The following ADAM12 variants were observed in gnomAD, a reference collection of about 807,000 sequenced individuals.
ADAM12 encodes ADAM metallopeptidase domain 12.
In ADAM12, 70 loss-of-function variants were observed where a neutral mutation model predicts 106.4. The ratio of observed to expected loss-of-function variants is 0.66; its 90% CI spans 0.54 to 0.80. The LOEUF (loss-of-function observed/expected upper bound fraction) is 0.80. Among genes scored for constraint, ADAM12 ranks in the 30% least tolerant of loss-of-function variants. The probability of loss-of-function intolerance (pLI) is 0.00; values close to 1 mark genes in which losing one functional copy is unlikely to be tolerated. For synonymous variants in ADAM12, 420 were observed against 433.5 expected, an observed-to-expected ratio of 0.97 and a Z score of 0.39; for missense variants, 1,010 against 1,171.9, an observed-to-expected ratio of 0.86 and a Z score of 2.02.
At chr10:126,326,398 TG>T (rs1854303738) in intron 2 of ADAM12, among the ~76,000 whole-genome samples, 1 of 152,090 alleles carries the variant, frequency 6.6e-6, no homozygotes, top group Non-Finnish European at 1.5e-5. Context: ...CCTTTCTCTT[TG>T]GGGGTGTATA....
chr10:126,274,058 G>A (rs1353231981), intron 3 of ADAM12, among the ~76,000 whole-genome samples: 2 of 152,080 alleles, frequency 1.3e-5, no homozygotes, highest in Non-Finnish European at 2.9e-5. Context: ...AGTGACCTTC[G>A]ACCTCCTGGG....
At chr10:126,050,181 C>T (rs1267409058) in intron 14 of ADAM12, among the ~76,000 whole-genome samples, 1 of 152,306 alleles carries the variant, frequency 6.6e-6, no homozygotes, top group Middle Eastern at 3.4e-3. Context: ...GAAAGTACTA[C>T]CTTCTTTTAA....
At chr10:126,284,419 A>G (rs547176767) in intron 2 of ADAM12, among the ~76,000 whole-genome samples, 2 of 150,122 alleles carry the variant, frequency 1.3e-5, no homozygotes, top group Non-Finnish European at 3.0e-5. Flanking sequence ...AGCTAATACC[A>G]TGTGTCTCAT....
chr10:126,331,677 T>G (rs1441899755), intron 1 of ADAM12, among the ~76,000 whole-genome samples: 6 of 152,016 alleles, frequency 3.9e-5, no homozygotes, highest in Non-Finnish European at 8.8e-5. Flanking sequence ...AAGTCCGAAA[T>G]ACAGCCAATG....
chr10:126,285,311 T>C (rs1237280462), intron 2 of ADAM12, among the ~76,000 whole-genome samples: 2 of 152,250 alleles, frequency 1.3e-5, no homozygotes, highest in Non-Finnish European at 1.5e-5. Context: ...TCCAAAGTCA[T>C]AAGAAAATAT....
intron 7 of ADAM12, among the ~76,000 whole-genome samples, chr10:126,109,367 G>A (rs1374230813): frequency 1.3e-5 from 2 of 152,164 alleles, no homozygotes; most frequent in Non-Finnish European, 2.9e-5. Flanking sequence ...TTTCTGCTGT[G>A]TCTCTATAGC....
chr10:126,069,674 G>A (rs1254283594), intron 12 of ADAM12, among the ~76,000 whole-genome samples: 1 of 152,230 alleles, frequency 6.6e-6, no homozygotes, highest in African/African-American at 2.4e-5. Flanking sequence ...TAGCAGTGAT[G>A]CTGGTAGCGA....
intron 11 of ADAM12, among the ~76,000 whole-genome samples, chr10:126,088,745 G>C (rs1955406669): frequency 6.6e-6 from 1 of 151,872 alleles, no homozygotes; most frequent in Non-Finnish European, 1.5e-5. Flanking sequence ...AGAGAAGGCT[G>C]ACCTGGGTGG....
At chr10:126,079,428 T>C (rs1017851205) in intron 11 of ADAM12, among the ~76,000 whole-genome samples, 6 of 152,208 alleles carry the variant, frequency 3.9e-5, no homozygotes, top group Non-Finnish European at 7.3e-5. Context: ...TCCTACACCA[T>C]GTGGCCTTTT....
intron 2 of ADAM12, among the ~76,000 whole-genome samples, chr10:126,326,830 T>C (rs772662746): frequency 7.2e-5 from 11 of 152,158 alleles, no homozygotes; most frequent in Non-Finnish European, 1.3e-4. Flanking sequence ...CATGGCAGGC[T>C]CACCCTTCAT....
At chr10:126,025,622 T>C (rs1302060994) in intron 21 of ADAM12, among the ~76,000 whole-genome samples, 1 of 152,062 alleles carries the variant, frequency 6.6e-6, no homozygotes, top group African/African-American at 2.4e-5. Context: ...GCAGCAGCCT[T>C]ACGGAAGAGT....
At chr10:126,205,447 T>C (rs1280917542) in intron 3 of ADAM12, among the ~76,000 whole-genome samples, 1 of 152,192 alleles carries the variant, frequency 6.6e-6, no homozygotes, top group Non-Finnish European at 1.5e-5. Context: ...CTTAATTTAA[T>C]GTCAGCAAGA....
At chr10:126,115,604 T>C (rs554933182) in intron 6 of ADAM12, among the ~76,000 whole-genome samples, 1 of 152,222 alleles carries the variant, frequency 6.6e-6, no homozygotes, top group South Asian at 2.1e-4. Flanking sequence ...CCTGATGCTC[T>C]GTGAAGAAAA....
intron 6 of ADAM12, among the ~76,000 whole-genome samples, chr10:126,116,043 C>T (rs762022840): frequency 6.6e-6 from 1 of 152,218 alleles, no homozygotes; most frequent in Non-Finnish European, 1.5e-5. Flanking sequence ...TTCATTTGCA[C>T]TTCAATATGC....
chr10:126,369,812 A>G (rs1856047545), intron 1 of ADAM12, among the ~76,000 whole-genome samples: 3 of 151,790 alleles, frequency 2.0e-5, no homozygotes, highest in African/African-American at 7.3e-5. Flanking sequence ...GCCTCCTGGT[A>G]TTCACTCTCA....
chr10:126,172,498 C>CA lies in ADAM12; in HGVS notation c.261-17194dup, dbSNP rs1047893644. Among the ~76,000 whole-genome samples, 249 of 151,800 alleles carry CA rather than the reference C, an allele frequency of 1.6e-3. 1 individual carries two copies. The highest frequency in any genetic ancestry group is 5.3e-3 in the African/African-American group (218 of 41,416). The stretch of plus-strand genomic sequence containing the variant: ...GACATTTATGTTGCCAACAAACATA[C>CA]AAAAAAAAGCTCATCATCACTGATC... On this transcript the variant is annotated intron_variant, in intron 3 of 22. Coordinates refer to ENST00000448723, the MANE Select transcript of ADAM12 (RefSeq NM_001288973.2).
At chr10:126,345,152 C>G (rs1481896074) in intron 1 of ADAM12, among the ~76,000 whole-genome samples, 1 of 152,166 alleles carries the variant, frequency 6.6e-6, no homozygotes, top group Non-Finnish European at 1.5e-5. Context: ...ATGATATTGG[C>G]TATGGGTTTG....
At position 126,099,684 on chromosome 10, in the gene ADAM12, CA is replaced by C. The variant is rs1367989460; in HGVS notation, c.912-1185del. Among the ~76,000 whole-genome samples, 4 of 152,256 alleles carry C rather than the reference CA, an allele frequency of 2.6e-5. No individual in the cohort carries two copies. In the East Asian group the frequency reaches 7.7e-4, roughly 29 times the overall value. ...AACCACAAATATCCAAGGGTAGGGG[CA>C]GGGGGGAACCCTGTGAAAATGGCCG... On this transcript the variant is annotated intron_variant, in intron 9 of 22. Transcript: ENST00000448723.
chr10:126,360,839 G>C (rs780148970), intron 1 of ADAM12, among the ~76,000 whole-genome samples: 14 of 152,280 alleles, frequency 9.2e-5, no homozygotes, highest in African/African-American at 1.7e-4. Flanking sequence ...TTGTTTCCAT[G>C]CTGCTGATAA....
Sources: gnomAD v4.1 joint callset for allele counts (sites outside exome capture counted in the v4.1 genomes callset) on GRCh38, gnomAD v4.1.1 for gene constraint, MANE v1.5 for transcripts, NCBI Gene and HGNC (gene_info 2026-07-23, HGNC 2026-07-21) for gene names.